IPMK: variants seen among roughly 807,000 people sequenced by gnomAD.
IPMK encodes the protein inositol polyphosphate multikinase.
In IPMK, 17 loss-of-function variants were observed where a neutral mutation model predicts 45.8. That is an observed-to-expected ratio of 0.37 (90% CI 0.25 to 0.56). The LOEUF (loss-of-function observed/expected upper bound fraction) is 0.56. IPMK is among the 20% of genes least tolerant of loss of function. The probability of loss-of-function intolerance (pLI) is 0.79; values close to 1 mark genes in which losing one functional copy is unlikely to be tolerated. For missense variants in IPMK, 399 were observed against 498.0 expected, an observed-to-expected ratio of 0.80 and a Z score of 1.89; for synonymous variants, 180 against 184.3, an observed-to-expected ratio of 0.98 and a Z score of 0.19.
At chr10:58,253,544 C>A (rs1448514053) in intron 1 of IPMK, among the ~76,000 whole-genome samples, 1 of 151,892 alleles carries the variant, frequency 6.6e-6, no homozygotes, top group Non-Finnish European at 1.5e-5. Context: ...TCGAGACCAG[C>A]CTGGGCAACA....
intron 1 of IPMK, among the ~76,000 whole-genome samples, chr10:58,244,361 TG>T (rs1838758422): frequency 2.0e-5 from 3 of 147,902 alleles, no homozygotes; most frequent in Non-Finnish European, 4.5e-5. Context: ...CCGCCCCCTC[TG>T]GGAAGTGGGG....
intron 4 of IPMK, among the ~76,000 whole-genome samples, chr10:58,199,546 A>G (rs1837967522): frequency 1.3e-5 from 2 of 152,238 alleles, no homozygotes; most frequent in African/African-American, 4.8e-5. Flanking sequence ...GGATAGATGA[A>G]TATTTCCAAT....
chr10:58,267,756 G>A lies in IPMK; in HGVS notation c.-145C>T, dbSNP rs1839176164. 8.6e-6 allele frequency: 5 copies of A among 581,032 alleles called. No homozygotes were observed. In the Admixed American group the frequency reaches 9.9e-5, roughly 11 times the overall value. 36.0% of individuals were successfully genotyped at this position (581,032 alleles called of 1,614,324 possible). A position where few individuals can be genotyped will look rare whatever the true frequency, so the allele number is the denominator to read the frequency against. On this transcript the variant is annotated 5_prime_UTR_variant, in exon 1 of 6. Coordinates refer to ENST00000373935, the MANE Select transcript of IPMK (RefSeq NM_152230.5). ...CGGCTGGTGCCCTCTGAAGCGCGGG[G>A]AGGGGGCCCATGACGCCGCCGGGGC...
chr10:58,237,951 T>C, intron 1 of IPMK, 137 bp from the exon 2 acceptor site: 1 of 640,988 alleles, frequency 1.6e-6, no homozygotes, highest in East Asian at 2.8e-5. Flanking sequence ...TTTCAGAAAT[T>C]TTAACATTCA....
chr10:58,229,939 C>T (rs547301718), intron 2 of IPMK, among the ~76,000 whole-genome samples: 37 of 152,294 alleles, frequency 2.4e-4, no homozygotes, highest in Middle Eastern at 6.8e-3. Flanking sequence ...CCTGGAAAAA[C>T]GGGACACTCC....
chr10:58,267,052 T>A (rs566917037), intron 1 of IPMK, among the ~76,000 whole-genome samples: 1 of 152,332 alleles, frequency 6.6e-6, no homozygotes, highest in Non-Finnish European at 1.5e-5. Context: ...GCTACTCGCC[T>A]ATAATAAACA....
intron 3 of IPMK, among the ~76,000 whole-genome samples, chr10:58,225,425 A>G (rs1023775032): frequency 6.6e-6 from 1 of 152,076 alleles, no homozygotes; most frequent in Non-Finnish European, 1.5e-5. Context: ...GAACTTCAAG[A>G]TTATATAGTA....
intron 1 of IPMK, among the ~76,000 whole-genome samples, chr10:58,239,785 G>C (rs112091799): frequency 1.6e-3 from 246 of 152,116 alleles, no homozygotes; most frequent in Middle Eastern, 3.4e-3. Context: ...CCCACCCCCA[G>C]CTCAAAAACT....
rs559015772 is a variant in IPMK, at chr10:58,241,165, T to C, written c.191-3351A>G. Reference sequence around the variant, plus strand: ...TGGGAAGGAAACTCATACAAACGACTTGCTGAAGGCAGAAGGCAGTCTGAC... The same window carrying C: ...TGGGAAGGAAACTCATACAAACGACCTGCTGAAGGCAGAAGGCAGTCTGAC... On this transcript the variant is annotated intron_variant, in intron 1 of 5. Coordinates refer to ENST00000373935, the MANE Select transcript of IPMK (RefSeq NM_152230.5). Among the ~76,000 whole-genome samples, 3 of 152,236 alleles carry C rather than the reference T, an allele frequency of 2.0e-5. No individual in the cohort carries two copies. In the South Asian group the frequency reaches 6.2e-4, roughly 32 times the overall value.
At chr10:58,232,899 T>G (rs1436103247) in intron 2 of IPMK, among the ~76,000 whole-genome samples, 1 of 152,132 alleles carries the variant, frequency 6.6e-6, no homozygotes, top group Non-Finnish European at 1.5e-5. Flanking sequence ...AGCTGGTTTT[T>G]TGAAAAGATC....
chr10:58,248,546 G>T (rs1838836570), intron 1 of IPMK, among the ~76,000 whole-genome samples: 1 of 152,166 alleles, frequency 6.6e-6, no homozygotes, highest in African/African-American at 2.4e-5. Flanking sequence ...TAATTCATTT[G>T]TGTTGGGAAC....
chr10:58,212,359 C>A (rs920734868), intron 4 of IPMK, among the ~76,000 whole-genome samples: 1 of 152,208 alleles, frequency 6.6e-6, no homozygotes, highest in Non-Finnish European at 1.5e-5. Context: ...AGATAACCTA[C>A]ATGACACGTT....
chr10:58,219,009 T>A, intron 3 of IPMK, among the ~76,000 whole-genome samples: 1 of 152,172 alleles, frequency 6.6e-6, no homozygotes, highest in East Asian at 1.9e-4. Flanking sequence ...ATATCATGGG[T>A]TTTATTTGAT....
At chr10:58,237,931 C>G in intron 1 of IPMK, 117 bp from the exon 2 acceptor site, 1 of 706,578 alleles carries the variant, frequency 1.4e-6, no homozygotes, top group Non-Finnish European at 2.4e-6. Flanking sequence ...TAAGGGTTTA[C>G]TTTTACTTAT....
At chr10:58,267,309 C>T (rs565301388) in intron 1 of IPMK, 113 bp downstream of exon 1, 17 of 992,820 alleles carry the variant, frequency 1.7e-5, no homozygotes, top group South Asian at 7.0e-5. Context: ...AGGGATTTGG[C>T]GTGCACACCA....
intron 1 of IPMK, among the ~76,000 whole-genome samples, chr10:58,241,080 G>C (rs1335760514): frequency 8.0e-6 from 1 of 125,504 alleles, no homozygotes; most frequent in Non-Finnish European, 1.7e-5. Context: ...CACTGGGAGG[G>C]TGAAGGAAGA....
chr10:58,247,805 C>CAATA (rs764367453), intron 1 of IPMK, among the ~76,000 whole-genome samples: 4 of 151,770 alleles, frequency 2.6e-5, no homozygotes, highest in African/African-American at 4.8e-5. Flanking sequence ...TAAAGTATAA[C>CAATA]AATAAATAAA....
rs1270421640 is a variant in IPMK, at chr10:58,193,526, T to A, written c.*2550A>T. Reference sequence around the variant, plus strand: ...TTTGAATCTATGCAATGTCTATCCATATTAAAATATCAATTAATGTAAATA... The same window carrying A: ...TTTGAATCTATGCAATGTCTATCCAAATTAAAATATCAATTAATGTAAATA... On this transcript the variant is annotated 3_prime_UTR_variant, in exon 6 of 6. Transcript: ENST00000373935. 6.6e-6 allele frequency: 1 copy of A among 151,868 alleles called. No individual in the cohort carries two copies. The highest frequency in any genetic ancestry group is 6.6e-5 in the Admixed American group (1 of 15,250). The allele number at this position is 151,868 out of a possible 1,614,324, so 9.4% of individuals were successfully genotyped here. A position where few individuals can be genotyped will look rare whatever the true frequency, so the allele number is the denominator to read the frequency against.
chr10:58,227,742 CATTAATAATGCT>C (rs1430709658), intron 2 of IPMK, among the ~76,000 whole-genome samples: 2 of 151,584 alleles, frequency 1.3e-5, no homozygotes, highest in Non-Finnish European at 2.9e-5. Flanking sequence ...GATTTGTAAC[CATTAATAATGCT>C]AAAAGATATT....
Sources: allele counts gnomAD v4.1 joint callset (sites outside exome capture counted in the v4.1 genomes callset), GRCh38; gene constraint gnomAD v4.1.1; transcripts MANE v1.5; gene names NCBI Gene and HGNC (gene_info 2026-07-23, HGNC 2026-07-21).